DPP10: variants seen among roughly 807,000 people sequenced by gnomAD.
DPP10 encodes the protein inactive dipeptidyl peptidase 10.
In DPP10, 33 loss-of-function variants were observed where a neutral mutation model predicts 120.9. That is an observed-to-expected ratio of 0.27 (90% CI 0.21 to 0.37). DPP10 has a LOEUF of 0.37. Among genes scored for constraint, DPP10 ranks in the 10% least tolerant of loss-of-function variants. The pLI is 1.00. For missense variants in DPP10, 816 were observed against 942.8 expected (o/e 0.87, Z 1.76); for synonymous variants, 337 against 326.1 (o/e 1.03, Z -0.36).
intron 1 of DPP10, among the ~76,000 whole-genome samples, chr2:115,069,098 C>T (rs1240013404): frequency 1.3e-5 from 2 of 151,854 alleles, no homozygotes; most frequent in Non-Finnish European, 2.9e-5. Flanking sequence ...TAAATAATAC[C>T]ATTGGATTTT....
intron 1 of DPP10, among the ~76,000 whole-genome samples, chr2:114,909,770 G>C (rs1694227371): frequency 6.6e-6 from 1 of 151,990 alleles, no homozygotes; most frequent in African/African-American, 2.4e-5. Flanking sequence ...CAGGTATCTG[G>C]AAAGAACAAA....
chr2:115,226,159 T>G (rs930257475), intron 1 of DPP10, among the ~76,000 whole-genome samples: 2 of 152,182 alleles, frequency 1.3e-5, no homozygotes, highest in Non-Finnish European at 2.9e-5. Flanking sequence ...TTTGTTGTCA[T>G]GATGATATGT....
intron 1 of DPP10, among the ~76,000 whole-genome samples, chr2:114,822,713 A>G (rs554534604): frequency 6.6e-6 from 1 of 152,180 alleles, no homozygotes; most frequent in Non-Finnish European, 1.5e-5. Flanking sequence ...TTCCTCTTGA[A>G]TACTTTGCTG....
intron 1 of DPP10, among the ~76,000 whole-genome samples, chr2:115,220,693 C>G (rs1047643464): frequency 6.6e-6 from 1 of 152,152 alleles, no homozygotes; most frequent in Non-Finnish European, 1.5e-5. Context: ...TTAGACTTGC[C>G]TAAACTTGTA....
intron 1 of DPP10, among the ~76,000 whole-genome samples, chr2:114,505,983 C>A (rs1224587310): frequency 6.6e-6 from 1 of 152,198 alleles, no homozygotes; most frequent in Non-Finnish European, 1.5e-5. Flanking sequence ...CTGGTAAGAA[C>A]TCATTAAATA....
At chr2:115,164,623 T>G (rs2104999659) in intron 1 of DPP10, among the ~76,000 whole-genome samples, 1 of 152,350 alleles carries the variant, frequency 6.6e-6, no homozygotes, top group East Asian at 1.9e-4. Flanking sequence ...TTATGAAACC[T>G]CAAAGATGCC....
intron 1 of DPP10, among the ~76,000 whole-genome samples, chr2:114,750,808 C>G (rs572705000): frequency 2.0e-5 from 3 of 152,138 alleles, no homozygotes; most frequent in African/African-American, 7.2e-5. Flanking sequence ...TAACAGGATT[C>G]GTCTCTCACA....
intron 1 of DPP10, among the ~76,000 whole-genome samples, chr2:114,484,189 A>G (rs1435784335): frequency 6.6e-6 from 1 of 152,152 alleles, no homozygotes; most frequent in Non-Finnish European, 1.5e-5. Context: ...CATGTCCTGG[A>G]TCGAACTTGA....
chr2:115,330,114 T>A (rs1465211464), intron 2 of DPP10, among the ~76,000 whole-genome samples: 1 of 152,006 alleles, frequency 6.6e-6, no homozygotes, highest in Non-Finnish European at 1.5e-5. Context: ...TTCCTGACTT[T>A]TTAATGATCG....
intron 5 of DPP10, among the ~76,000 whole-genome samples, chr2:115,556,082 A>G (rs2080191867): frequency 6.6e-6 from 1 of 152,028 alleles, no homozygotes; most frequent in Admixed American, 6.6e-5. Context: ...GGATATTAGT[A>G]TTTTTCTGAG....
At chr2:115,613,148 G>A (rs1049796990) in intron 5 of DPP10, among the ~76,000 whole-genome samples, 1 of 152,164 alleles carries the variant, frequency 6.6e-6, no homozygotes, top group Non-Finnish European at 1.5e-5. Context: ...GTGATTTCTA[G>A]GAGCGCCAGA....
chr2:115,222,021 A>C (rs1217915815), intron 1 of DPP10, among the ~76,000 whole-genome samples: 2 of 152,104 alleles, frequency 1.3e-5, no homozygotes, highest in East Asian at 3.9e-4. Flanking sequence ...GAGGAATCTG[A>C]TTTAGCTGAT....
intron 5 of DPP10, among the ~76,000 whole-genome samples, chr2:115,649,903 A>C (rs1208078100): frequency 6.6e-6 from 1 of 152,138 alleles, no homozygotes; most frequent in South Asian, 2.1e-4. Flanking sequence ...GCTGGCTGCT[A>C]TTCAGGTCAT....
intron 1 of DPP10, among the ~76,000 whole-genome samples, chr2:115,117,450 T>C (rs1312365047): frequency 6.7e-6 from 1 of 149,906 alleles, no homozygotes; most frequent in Non-Finnish European, 1.5e-5. Context: ...TACTTCAAAA[T>C]GTATCTATTT....
intron 1 of DPP10, among the ~76,000 whole-genome samples, chr2:114,719,010 T>C (rs1701533241): frequency 6.6e-6 from 1 of 152,240 alleles, no homozygotes; most frequent in Admixed American, 6.5e-5. Flanking sequence ...GCCTGGCTTA[T>C]ATGCCTCAAA....
At chr2:114,821,790 T>G (rs1269561311) in intron 1 of DPP10, among the ~76,000 whole-genome samples, 5 of 152,212 alleles carry the variant, frequency 3.3e-5, no homozygotes. Flanking sequence ...AATCTTAAAG[T>G]TCCAAAGATG....
chr2:115,656,928 T>C (rs1216612415), intron 5 of DPP10, among the ~76,000 whole-genome samples: 1 of 151,580 alleles, frequency 6.6e-6, no homozygotes, highest in Non-Finnish European at 1.5e-5. Flanking sequence ...AAATGGAAAA[T>C]TATTTTTCAA....
At chr2:115,793,813 C>T (rs550651197) in intron 19 of DPP10, among the ~76,000 whole-genome samples, 3 of 151,888 alleles carry the variant, frequency 2.0e-5, no homozygotes, top group East Asian at 1.9e-4. Flanking sequence ...GGGAAATTAT[C>T]GAAAGCGTCA....
chr2:115,518,454 AT>A (rs2077621125), intron 4 of DPP10, among the ~76,000 whole-genome samples: 1 of 152,008 alleles, frequency 6.6e-6, no homozygotes, highest in South Asian at 2.1e-4. Context: ...AAGCACTACT[AT>A]TTTTCTGTTT....
Sources: gnomAD v4.1 joint callset for allele counts (sites outside exome capture counted in the v4.1 genomes callset) on GRCh38, gnomAD v4.1.1 for gene constraint, MANE v1.5 for transcripts, NCBI Gene and HGNC (gene_info 2026-07-23, HGNC 2026-07-21) for gene names.